Variants in TSHR observed in about 807,000 individuals in gnomAD.
The protein encoded by TSHR is thyroid stimulating hormone receptor, also known as thyrotropin receptor.
TSHR carries 51 observed loss-of-function variants against 64.1 expected under a neutral mutation model. The observed-to-expected ratio is 0.80, with a 90% CI of 0.64 to 1.01. TSHR has a LOEUF of 1.01. TSHR is among the 50% of genes least tolerant of loss of function. The pLI is 0.00. For synonymous variants in TSHR, 361 were observed against 361.9 expected, an observed-to-expected ratio of 1.00 and a Z score of 0.03; for missense variants, 877 against 942.8, an observed-to-expected ratio of 0.93 and a Z score of 0.91.
At chr14:81,070,119 A>C (rs1886950188) in intron 3 of TSHR, among the ~76,000 whole-genome samples, 1 of 152,142 alleles carries the variant, frequency 6.6e-6, no homozygotes, top group South Asian at 2.1e-4. Flanking sequence ...AATATATAGC[A>C]CAATAAAAAA....
At chr14:80,964,684 G>T (rs1055367922) in intron 1 of TSHR, among the ~76,000 whole-genome samples, 1 of 152,248 alleles carries the variant, frequency 6.6e-6, no homozygotes, top group South Asian at 2.1e-4. Flanking sequence ...GATCTTCAAA[G>T]GTGTCCTTGA....
chr14:80,996,441 A>T (rs906892372), intron 1 of TSHR, among the ~76,000 whole-genome samples: 1 of 152,146 alleles, frequency 6.6e-6, no homozygotes, highest in Non-Finnish European at 1.5e-5. Flanking sequence ...TGACTGGTTT[A>T]TTGCAAAATT....
At chr14:81,070,123 T>TA (rs1886950636) in intron 3 of TSHR, among the ~76,000 whole-genome samples, 1 of 151,574 alleles carries the variant, frequency 6.6e-6, no homozygotes, top group African/African-American at 2.4e-5. Context: ...TATAGCACAA[T>TA]AAAAAATCTA....
chr14:81,096,950 G>GTGTA (rs1201678210), intron 7 of TSHR, among the ~76,000 whole-genome samples: 1 of 151,838 alleles, frequency 6.6e-6, no homozygotes, highest in Non-Finnish European at 1.5e-5. Context: ...GTGTGTGTGT[G>GTGTA]TGTAAATGTT....
chr14:80,973,403 C>CAAAAAAAA lies in TSHR; in HGVS notation c.170+17572_170+17579dup, dbSNP rs58316010. 9.1e-3 allele frequency among the ~76,000 whole-genome samples: 469 copies of CAAAAAAAA among 51,420 alleles called. 95 individuals are homozygous for CAAAAAAAA. The highest frequency in any genetic ancestry group is 0.026 in the African/African-American group (335 of 13,052). 33.7% of individuals were successfully genotyped at this position (51,420 alleles called of 152,430 possible). A position where few individuals can be genotyped will look rare whatever the true frequency, so the allele number is the denominator to read the frequency against. On this transcript the variant is annotated intron_variant, in intron 1 of 9. Coordinates refer to ENST00000298171, the MANE Select transcript of TSHR (RefSeq NM_000369.5). ...CCCGGGTGACAGCGAGACGCTGTCT[C>CAAAAAAAA]AAAAAAAAAAAAAAAAAAAAAAAAA...
chr14:81,097,182 T>C (rs1889262783), intron 7 of TSHR, among the ~76,000 whole-genome samples: 1 of 152,180 alleles, frequency 6.6e-6, no homozygotes, highest in Non-Finnish European at 1.5e-5. Flanking sequence ...ATAGACTTTG[T>C]GTTTGATGTG....
At chr14:81,111,016 G>A (rs893398402) in intron 8 of TSHR, among the ~76,000 whole-genome samples, 7 of 152,008 alleles carry the variant, frequency 4.6e-5, no homozygotes, top group African/African-American at 1.7e-4. Context: ...GTGTGTTATG[G>A]TATATATTAT....
chr14:80,979,263 G>GCATATGTGGAGTCTAA (rs1888048662), intron 1 of TSHR, among the ~76,000 whole-genome samples: 1 of 149,944 alleles, frequency 6.7e-6, no homozygotes, highest in Non-Finnish European at 1.5e-5. Flanking sequence ...TCTCGTAGAA[G>GCATATGTGGAGTCTAA]CATCATGCAT....
chr14:81,009,475 TC>T (rs1889795188), intron 1 of TSHR, among the ~76,000 whole-genome samples: 1 of 152,202 alleles, frequency 6.6e-6, no homozygotes, highest in Non-Finnish European at 1.5e-5. Context: ...ATACTGGAGT[TC>T]CTCTTTGTTT....
At chr14:81,057,664 G>T (rs543284973) in intron 1 of TSHR, among the ~76,000 whole-genome samples, 2 of 152,220 alleles carry the variant, frequency 1.3e-5, no homozygotes, top group South Asian at 4.2e-4. Context: ...ATTGACACAG[G>T]TGGTTAATAC....
At position 80,985,749 on chromosome 14, in the gene TSHR, G is replaced by C. The variant is rs114963457; in HGVS notation, c.170+29899G>C. Among the ~76,000 whole-genome samples the C allele has an allele frequency of 6.6e-3, 1,004 of 152,266 alleles. 9 individuals are homozygous for C. Among genetic ancestry groups the C allele is most frequent in the African/African-American group, 0.023 (952 of 41,534 alleles). On this transcript the variant is annotated intron_variant, in intron 1 of 9. Coordinates refer to ENST00000298171, the MANE Select transcript of TSHR (RefSeq NM_000369.5). ...GTATGGAACTTGCTTCCCCCCAGTT[G>C]TGTATTGTAAACATCTTTGCATGTC...
chr14:81,044,969 T>G (rs754774369), intron 1 of TSHR, among the ~76,000 whole-genome samples: 14 of 152,106 alleles, frequency 9.2e-5, no homozygotes, highest in Non-Finnish European at 1.0e-4. Context: ...ACAGCACTAT[T>G]CACAATAGCA....
intron 1 of TSHR, chr14:81,014,016 T>C (rs1198291317): frequency 2.6e-5 from 4 of 152,168 alleles, no homozygotes; most frequent in African/African-American, 9.7e-5. Context: ...ACCTATGAGA[T>C]ATGGGTCTAT....
intron 6 of TSHR, among the ~76,000 whole-genome samples, chr14:81,093,248 T>C (rs1888895742): frequency 6.6e-6 from 1 of 152,252 alleles, no homozygotes; most frequent in Non-Finnish European, 1.5e-5. Context: ...TCAGCATTTT[T>C]CCAGAGCCTG....
intron 1 of TSHR, among the ~76,000 whole-genome samples, chr14:80,969,641 T>G (rs179252): frequency 0.44 from 66,447 of 152,070 alleles, 15,500 homozygotes; most frequent in South Asian, 0.59. Context: ...GGGTCCATGC[T>G]TGGCTTCCAT....
At chr14:81,088,068 GA>G (rs2139969361) in intron 4 of TSHR, 40 bp downstream of exon 4, 1 of 1,489,166 alleles carries the variant, frequency 6.7e-7, no homozygotes, top group Non-Finnish European at 9.4e-7. Context: ...TTTCTGGGGG[GA>G]GGGGGTCAGA....
intron 1 of TSHR, among the ~76,000 whole-genome samples, chr14:81,037,785 A>G (rs1303954457): frequency 6.6e-6 from 1 of 152,156 alleles, no homozygotes; most frequent in African/African-American, 2.4e-5. Context: ...AATTAAAACA[A>G]TTCTAAATAG....
At chr14:80,967,186 GTATATATA>G (rs3038162) in intron 1 of TSHR, among the ~76,000 whole-genome samples, 1 of 144,136 alleles carries the variant, frequency 6.9e-6, no homozygotes. Context: ...ATATGTATGT[GTATATATA>G]TATATATATA....
intron 2 of TSHR, among the ~76,000 whole-genome samples, chr14:81,063,428 T>C (rs928667913): frequency 2.6e-5 from 4 of 152,172 alleles, no homozygotes; most frequent in African/African-American, 9.7e-5. Context: ...ATATTACCAC[T>C]TGGATGTCCC....
Sources: allele counts gnomAD v4.1 joint callset (sites outside exome capture counted in the v4.1 genomes callset), GRCh38; gene constraint gnomAD v4.1.1; transcripts MANE v1.5; gene names NCBI Gene and HGNC (gene_info 2026-07-23, HGNC 2026-07-21).